The following SDK1 variants were observed in gnomAD, a reference collection of about 807,000 sequenced individuals.
SDK1 encodes the protein protein sidekick-1.
In SDK1, 157 loss-of-function variants were observed where a neutral mutation model predicts 245.5. The observed-to-expected ratio is 0.64, with a 90% CI of 0.56 to 0.73. The LOEUF (loss-of-function observed/expected upper bound fraction) is 0.73. Ranked by LOEUF, SDK1 falls within the 30% of genes least tolerant of loss-of-function variation. The pLI, the probability that SDK1 is intolerant of heterozygous loss-of-function variation, is 0.00. For synonymous variants in SDK1, 1,647 were observed against 1,278.5 expected, an observed-to-expected ratio of 1.29 and a Z score of -6.15; for missense variants, 3,583 against 3,002.3, an observed-to-expected ratio of 1.19 and a Z score of -4.52.
At chr7:3,985,695 C>G (rs959079822) in intron 13 of SDK1, among the ~76,000 whole-genome samples, 2 of 152,058 alleles carry the variant, frequency 1.3e-5, no homozygotes, top group African/African-American at 4.8e-5. Flanking sequence ...AAAGAGAAAA[C>G]AAGACGACAT....
At chr7:4,229,240 C>T (rs181767458) in intron 40 of SDK1, among the ~76,000 whole-genome samples, 2 of 152,090 alleles carry the variant, frequency 1.3e-5, no homozygotes, top group Non-Finnish European at 2.9e-5. Context: ...TTTTTTCTTA[C>T]CCACTCGTGA....
intron 1 of SDK1, among the ~76,000 whole-genome samples, chr7:3,355,878 G>C (rs1005605352): frequency 3.3e-5 from 5 of 152,160 alleles, no homozygotes; most frequent in African/African-American, 1.2e-4. Flanking sequence ...CTTCCCTCTA[G>C]AGTGAACTTG....
chr7:3,853,434 A>G (rs546382357), intron 5 of SDK1, among the ~76,000 whole-genome samples: 1 of 152,202 alleles, frequency 6.6e-6, no homozygotes, highest in Admixed American at 6.5e-5. Flanking sequence ...TGTTTAATCA[A>G]GTGATTTTAA....
intron 5 of SDK1, among the ~76,000 whole-genome samples, chr7:3,864,361 G>A (rs1344531358): frequency 6.6e-6 from 1 of 152,106 alleles, no homozygotes; most frequent in Non-Finnish European, 1.5e-5. Flanking sequence ...GCTTTGGGAG[G>A]GAAAGAAGGT....
chr7:4,167,095 G>T (rs925356714), intron 32 of SDK1, among the ~76,000 whole-genome samples: 1 of 152,242 alleles, frequency 6.6e-6, no homozygotes, highest in South Asian at 2.1e-4. Context: ...CTCCTACCAG[G>T]TCATTTGCAT....
At chr7:3,938,084 G>A (rs1055137431) in intron 5 of SDK1, among the ~76,000 whole-genome samples, 1 of 152,116 alleles carries the variant, frequency 6.6e-6, no homozygotes, top group African/African-American at 2.4e-5. Flanking sequence ...CGATCCACCT[G>A]CCTTGACCTC....
intron 32 of SDK1, among the ~76,000 whole-genome samples, chr7:4,165,553 G>A (rs758580494): frequency 4.6e-5 from 7 of 150,826 alleles, no homozygotes; most frequent in Non-Finnish European, 4.4e-5. Context: ...GCAGTGGTAC[G>A]ATCTCGGCTC....
At chr7:3,959,804 T>G (rs1267040346) in intron 8 of SDK1, among the ~76,000 whole-genome samples, 6 of 152,060 alleles carry the variant, frequency 3.9e-5, no homozygotes, top group African/African-American at 4.8e-5. Flanking sequence ...TTTTTTTTTT[T>G]GCCTTTTCAG....
chr7:4,198,704 A>T (rs1783718886), intron 35 of SDK1, among the ~76,000 whole-genome samples: 1 of 152,110 alleles, frequency 6.6e-6, no homozygotes, highest in South Asian at 2.1e-4. Context: ...TTAGAGAAGC[A>T]GCTTGGACCT....
chr7:4,187,186 C>T (rs1384996794), intron 35 of SDK1, among the ~76,000 whole-genome samples: 1 of 152,102 alleles, frequency 6.6e-6, no homozygotes, highest in African/African-American at 2.4e-5. Flanking sequence ...AGGCAGGGGG[C>T]ACCTGAGGGA....
At chr7:3,492,755 A>G (rs78278503) in intron 1 of SDK1, among the ~76,000 whole-genome samples, 3,444 of 152,200 alleles carry the variant, frequency 0.023, 147 homozygotes, top group African/African-American at 0.078. Flanking sequence ...ACAAAGTCCC[A>G]CCTCATTGGC....
chr7:3,875,088 A>G (rs1254689084), intron 5 of SDK1, among the ~76,000 whole-genome samples: 1 of 152,188 alleles, frequency 6.6e-6, no homozygotes, highest in Non-Finnish European at 1.5e-5. Flanking sequence ...TCAGACTTCT[A>G]GTTGAATCTT....
In SDK1 at chr7:3,308,061, C is replaced by G. The variant is rs76447062; in HGVS notation, c.298+6177C>G. 4.5e-4 allele frequency among the ~76,000 whole-genome samples: 69 copies of G among 152,250 alleles called. 1 individual carries two copies. In the East Asian group the frequency reaches 0.01, roughly 23 times the overall value. On this transcript the variant is annotated intron_variant, in intron 1 of 44. Transcript: ENST00000404826. ...AGTATTTCTCCTTAGGTGCTGCCGT[C>G]TAACACATGATATATTTACTCTAGC...
At chr7:3,328,164 T>A (rs1779980794) in intron 1 of SDK1, among the ~76,000 whole-genome samples, 1 of 152,162 alleles carries the variant, frequency 6.6e-6, no homozygotes, top group African/African-American at 2.4e-5. Flanking sequence ...GTTGAAATAT[T>A]ATAACTGTTG....
intron 2 of SDK1, among the ~76,000 whole-genome samples, chr7:3,638,239 T>C (rs182511344): frequency 6.6e-6 from 1 of 152,044 alleles, no homozygotes; most frequent in African/African-American, 2.4e-5. Flanking sequence ...TGCGATAATC[T>C]CAGAAATAAA....
At chr7:3,764,032 C>A (rs1169757788) in intron 4 of SDK1, among the ~76,000 whole-genome samples, 1 of 152,150 alleles carries the variant, frequency 6.6e-6, no homozygotes, top group Admixed American at 6.6e-5. Context: ...AAAATACAGC[C>A]TTGGTATGGG....
intron 4 of SDK1, among the ~76,000 whole-genome samples, chr7:3,819,649 A>G (rs1779594508): frequency 6.6e-6 from 1 of 152,138 alleles, no homozygotes; most frequent in Non-Finnish European, 1.5e-5. Flanking sequence ...AATAATTATA[A>G]TAAAACTCTA....
chr7:3,966,680 G>C (rs974086873), intron 9 of SDK1, among the ~76,000 whole-genome samples: 1 of 151,884 alleles, frequency 6.6e-6, no homozygotes, highest in Admixed American at 6.6e-5. Flanking sequence ...TCAATAATTA[G>C]CTTTTTTTTT....
chr7:4,162,251 C>T (rs1331166749), intron 32 of SDK1, among the ~76,000 whole-genome samples: 3 of 151,986 alleles, frequency 2.0e-5, no homozygotes, highest in Admixed American at 6.6e-5. Context: ...AAACTGCAAC[C>T]GCTGGAGTTA....
Sources: gnomAD v4.1 joint callset for allele counts (sites outside exome capture counted in the v4.1 genomes callset) on GRCh38, gnomAD v4.1.1 for gene constraint, MANE v1.5 for transcripts, NCBI Gene and HGNC (gene_info 2026-07-23, HGNC 2026-07-21) for gene names.